Variants in PRKD1 observed in about 807,000 individuals in gnomAD.
PRKD1 encodes protein kinase D1.
In PRKD1, 63 loss-of-function variants were observed where a neutral mutation model predicts 95.9. The observed-to-expected ratio is 0.66, with a 90% CI of 0.54 to 0.81. The LOEUF (loss-of-function observed/expected upper bound fraction) is 0.81, where lower values mean the gene tolerates loss of function less well. PRKD1 is among the 30% of genes least tolerant of loss of function. The probability of loss-of-function intolerance (pLI) is 0.00; values close to 1 mark genes in which losing one functional copy is unlikely to be tolerated. For synonymous variants in PRKD1, 425 were observed against 423.1 expected, an observed-to-expected ratio of 1.00 and a Z score of -0.05; for missense variants, 1,048 against 1,165.3, an observed-to-expected ratio of 0.90 and a Z score of 1.47.
intron 1 of PRKD1, among the ~76,000 whole-genome samples, chr14:29,813,358 T>C (rs1890567704): frequency 6.6e-6 from 1 of 152,190 alleles, no homozygotes; most frequent in Non-Finnish European, 1.5e-5. Context: ...GTACAGTTAC[T>C]TAAATTTTAT....
rs532190941 is a variant in PRKD1, at chr14:29,717,335, T to C, written c.403+8201A>G. Among the ~76,000 whole-genome samples the C allele has an allele frequency of 6.0e-4, 92 of 152,262 alleles. 2 individuals carry two copies. Among genetic ancestry groups the C allele is most frequent in the Admixed American group, 2.2e-3 (34 of 15,276 alleles). On this transcript the variant is annotated intron_variant, in intron 2 of 17. Coordinates refer to ENST00000331968, the MANE Select transcript of PRKD1 (RefSeq NM_002742.3). The stretch of plus-strand genomic sequence containing the variant: ...TACATTTGGCAACCATCTTGTGAAA[T>C]GCTTTATATTTATTCTCATGAATTC...
At chr14:29,812,456 G>A (rs1203054550) in intron 1 of PRKD1, among the ~76,000 whole-genome samples, 3 of 152,214 alleles carry the variant, frequency 2.0e-5, no homozygotes, top group South Asian at 2.1e-4. Flanking sequence ...TTCAGTTATC[G>A]TATTAGTTCG....
chr14:29,680,550 G>T (rs560980422), intron 2 of PRKD1, among the ~76,000 whole-genome samples: 2 of 152,322 alleles, frequency 1.3e-5, no homozygotes, highest in South Asian at 4.1e-4. Flanking sequence ...TTTGTTTATT[G>T]TTGGAGTTGT....
chr14:29,738,203 T>C lies in PRKD1; in HGVS notation c.265-12529A>G, dbSNP rs45531431. On this transcript the variant is annotated intron_variant, in intron 1 of 17. Coordinates refer to ENST00000331968, the MANE Select transcript of PRKD1 (RefSeq NM_002742.3). ...TTTTATATCCTCAAAAGGAGGAACA[T>C]GAAAAAGAATTGCACACTGTGACCA... Among the ~76,000 whole-genome samples, 362 of 152,314 alleles carry C rather than the reference T, an allele frequency of 2.4e-3. 2 individuals are homozygous for C. The highest frequency in any genetic ancestry group is 8.3e-3 in the African/African-American group (344 of 41,568).
At chr14:29,650,394 G>A (rs1594395581) in intron 4 of PRKD1, 1 of 152,332 alleles carries the variant, frequency 6.6e-6, no homozygotes, top group Admixed American at 6.5e-5. Flanking sequence ...CCGGGACATG[G>A]GAGGGCCTAT....
chr14:29,877,127 G>C (rs537379390), intron 1 of PRKD1, among the ~76,000 whole-genome samples: 1 of 152,242 alleles, frequency 6.6e-6, no homozygotes, highest in East Asian at 1.9e-4. Context: ...ACTCCAGCCT[G>C]GGCCAGAGAG....
chr14:29,918,929 A>G (rs186396160), intron 1 of PRKD1, among the ~76,000 whole-genome samples: 1 of 152,336 alleles, frequency 6.6e-6, no homozygotes, highest in African/African-American at 2.4e-5. Flanking sequence ...GCACATTCAT[A>G]CTTTTCATTC....
At chr14:29,885,892 A>C (rs1050320898) in intron 1 of PRKD1, among the ~76,000 whole-genome samples, 3 of 150,784 alleles carry the variant, frequency 2.0e-5, no homozygotes, top group African/African-American at 7.3e-5. Context: ...GCTTGAACCT[A>C]GGAGGTGGAG....
chr14:29,849,756 A>C (rs898807463), intron 1 of PRKD1, among the ~76,000 whole-genome samples: 1 of 152,036 alleles, frequency 6.6e-6, no homozygotes, highest in African/African-American at 2.4e-5. Context: ...TATAAAAAAA[A>C]AACTGCAGTT....
At chr14:29,595,761 C>A (rs1049263397) in intron 16 of PRKD1, among the ~76,000 whole-genome samples, 1 of 152,198 alleles carries the variant, frequency 6.6e-6, no homozygotes, top group African/African-American at 2.4e-5. Flanking sequence ...TTTCCCCACA[C>A]CCAATTCCTG....
intron 2 of PRKD1, among the ~76,000 whole-genome samples, chr14:29,708,816 T>G (rs1885206624): frequency 6.6e-6 from 1 of 152,120 alleles, no homozygotes; most frequent in Non-Finnish European, 1.5e-5. Flanking sequence ...TGAGCAATGT[T>G]CACACCACTG....
At position 29,919,986 on chromosome 14, in the gene PRKD1, A is replaced by G. The variant is rs566196595; in HGVS notation, c.264+7263T>C. On this transcript the variant is annotated intron_variant, in intron 1 of 17. Transcript: ENST00000331968. ...TGAGAAAGAGAGAGAGAGAGAGAGAAAGAGAGGAAGGAAGGTAGGAAGGAA... is the reference window on the plus strand; with the variant it reads ...TGAGAAAGAGAGAGAGAGAGAGAGAGAGAGAGGAAGGAAGGTAGGAAGGAA... Among the ~76,000 whole-genome samples the G allele has an allele frequency of 5.5e-3, 780 of 142,858 alleles. 9 individuals carry two copies. The highest frequency in any genetic ancestry group is 0.019 in the African/African-American group (729 of 38,096). 93.7% of individuals were successfully genotyped at this position (142,858 alleles called of 152,430 possible).
At chr14:29,802,258 C>T (rs1890065885) in intron 1 of PRKD1, among the ~76,000 whole-genome samples, 1 of 151,852 alleles carries the variant, frequency 6.6e-6, no homozygotes, top group Non-Finnish European at 1.5e-5. Context: ...AAATTTAGAC[C>T]TGATAGTAAA....
At chr14:29,710,703 T>C (rs895788732) in intron 2 of PRKD1, among the ~76,000 whole-genome samples, 2 of 152,192 alleles carry the variant, frequency 1.3e-5, no homozygotes, top group Non-Finnish European at 2.9e-5. Context: ...TGTTAATTTC[T>C]TAGTTTTGAC....
At chr14:29,812,543 C>T (rs1163235245) in intron 1 of PRKD1, among the ~76,000 whole-genome samples, 1 of 152,110 alleles carries the variant, frequency 6.6e-6, no homozygotes, top group Admixed American at 6.5e-5. Flanking sequence ...CTAGGGAGGC[C>T]TCAGGAAACC....
intron 1 of PRKD1, among the ~76,000 whole-genome samples, chr14:29,852,507 C>T (rs1892346076): frequency 6.6e-6 from 1 of 150,618 alleles, no homozygotes; most frequent in Non-Finnish European, 1.5e-5. Flanking sequence ...AGTGAACTAA[C>T]AAGTGCATTG....
intron 16 of PRKD1, among the ~76,000 whole-genome samples, chr14:29,593,035 C>A (rs1293521357): frequency 6.6e-6 from 1 of 152,126 alleles, no homozygotes; most frequent in East Asian, 1.9e-4. Context: ...CCCACCTAGA[C>A]AAGCTACTTA....
intron 1 of PRKD1, among the ~76,000 whole-genome samples, chr14:29,870,051 T>C (rs1221562941): frequency 6.6e-6 from 1 of 152,200 alleles, no homozygotes; most frequent in Non-Finnish European, 1.5e-5. Flanking sequence ...TCACTTATTA[T>C]TATTACCGAG....
intron 2 of PRKD1, among the ~76,000 whole-genome samples, chr14:29,676,349 G>A (rs1029406014): frequency 2.0e-5 from 3 of 151,922 alleles, no homozygotes; most frequent in Non-Finnish European, 2.9e-5. Context: ...CAAGTCAAGA[G>A]TAGTAGGCTC....
Sources: gnomAD v4.1 joint callset for allele counts (sites outside exome capture counted in the v4.1 genomes callset) on GRCh38, gnomAD v4.1.1 for gene constraint, MANE v1.5 for transcripts, NCBI Gene and HGNC (gene_info 2026-07-23, HGNC 2026-07-21) for gene names.